Variants in FANCI observed in about 807,000 individuals in gnomAD.
The protein encoded by FANCI is FA complementation group I.
A neutral mutation model predicts 176.1 loss-of-function variants in FANCI; 156 were observed. The observed-to-expected ratio is 0.89, with a 90% confidence interval of 0.78 to 1.01. The LOEUF (loss-of-function observed/expected upper bound fraction) is 1.01. FANCI is among the 50% of genes least tolerant of loss of function. The pLI is 0.00. For synonymous variants in FANCI, 613 were observed against 541.7 expected (o/e 1.13, Z -1.83); for missense variants, 1,678 against 1,534.1 (o/e 1.09, Z -1.57).
At position 89,260,766 on chromosome 15, in the gene FANCI, T is replaced by A. The variant is rs147493587; in HGVS notation, c.211T>A (p.Cys71Ser). ...ACTTAGGAGACGTAAGATATACACT[T>A]GTTGTATCCAGTTGGTGGAATCGGG... Reference protein sequence around the residue: ...GTLRRRKIYTCCIQLVESGDL... With the variant: ...GTLRRRKIYTSCIQLVESGDL... Residue 71 changes from cysteine (C) to serine (S), a missense_variant, in exon 4 of 38, where the codon TGT becomes AGT. Coordinates refer to ENST00000310775, the MANE Select transcript of FANCI (RefSeq NM_001113378.2). 1.2e-6 allele frequency: 2 copies of A among 1,613,820 alleles called. No homozygotes were observed. The highest frequency in any genetic ancestry group is 2.7e-5 in the African/African-American group (2 of 74,880).
chr15:89,252,325 A>G lies in FANCI; in HGVS notation c.84+4594A>G, dbSNP rs12908194. 4.6e-5 allele frequency among the ~76,000 whole-genome samples: 7 copies of G among 151,986 alleles called. No homozygotes were observed. In the South Asian group the frequency reaches 1.2e-3, roughly 27 times the overall value. ...AAAAAAAAAAAAAAGAAAATATAAA[A>G]CGTCTCTCTTTGTAGATGGCATGAT... On this transcript the variant is annotated intron_variant, in intron 2 of 37. Coordinates refer to ENST00000310775, the MANE Select transcript of FANCI (RefSeq NM_001113378.2).
intron 35 of FANCI, among the ~76,000 whole-genome samples, chr15:89,314,200 A>G (rs367896635): frequency 6.9e-6 from 1 of 145,108 alleles, no homozygotes; most frequent in Non-Finnish European, 1.5e-5. Flanking sequence ...ACACACGTAG[A>G]ACCTACAAAT....
At chr15:89,293,773 A>G in intron 22 of FANCI, 60 bp from the exon 23 acceptor site, 1 of 1,502,752 alleles carries the variant, frequency 6.7e-7, no homozygotes, top group Non-Finnish European at 9.2e-7. Context: ...TATCATATGT[A>G]AAAGTAAACC....
At chr15:89,281,721 A>C (rs548236362) in intron 15 of FANCI, 44 bp from the exon 16 acceptor site, 1 of 1,579,690 alleles carries the variant, frequency 6.3e-7, no homozygotes, top group East Asian at 2.2e-5. Context: ...ACCTAAGGCT[A>C]ATAAGCAAAC....
chr15:89,293,095 T>C, intron 22 of FANCI, 32 bp downstream of exon 22: 1 of 1,607,574 alleles, frequency 6.2e-7, no homozygotes, highest in South Asian at 1.1e-5. Context: ...ATTTGTAATT[T>C]GATGAATTCT....
chr15:89,306,214 A>C lies in FANCI; in HGVS notation c.3537+20A>C. 1 of 1,613,290 alleles carries C rather than the reference A, an allele frequency of 6.2e-7. No homozygotes were observed. The highest frequency in any genetic ancestry group is 8.5e-7 in the Non-Finnish European group (1 of 1,179,442). ...AGATATGTGAGTATTTGAGACAAGC[A>C]GATTCGCCCCACCATTCTACCCCAG... On this transcript the variant is annotated intron_variant, in intron 32 of 37. Coordinates refer to ENST00000310775, the MANE Select transcript of FANCI (RefSeq NM_001113378.2).
rs1210098933 is a variant in FANCI, at chr15:89,294,978, C to T, written c.2520C>T (p.Arg840=). ...TCAGGTCCAGCAATGAGTTTATGCGCTATGCAGTGAATGTAGCTCTGCAGA... is the reference window on the plus strand; with the variant it reads ...TCAGGTCCAGCAATGAGTTTATGCGTTATGCAGTGAATGTAGCTCTGCAGA... ...SVLRSSNEFM[R]YAVNVALQKV... Residue 840 remains arginine, a synonymous_variant, in exon 24 of 38, where the codon CGC becomes CGT. Coordinates refer to ENST00000310775, the MANE Select transcript of FANCI (RefSeq NM_001113378.2). The T allele has an allele frequency of 5.8e-6, 9 of 1,552,294 alleles. No individual in the cohort carries two copies. Among genetic ancestry groups the T allele is most frequent in the Non-Finnish European group, 7.8e-6 (9 of 1,147,126 alleles).
intron 2 of FANCI, among the ~76,000 whole-genome samples, chr15:89,250,112 C>T (rs1379265778): frequency 6.6e-6 from 1 of 152,178 alleles, no homozygotes. Context: ...ACCTTCTATT[C>T]AACCATTGTG....
intron 34 of FANCI, 66 bp downstream of exon 34, chr15:89,307,738 T>C: frequency 6.2e-7 from 1 of 1,613,728 alleles, no homozygotes; most frequent in Non-Finnish European, 8.5e-7. Flanking sequence ...CCCAGGGGAC[T>C]ATTGATCACC....
intron 10 of FANCI, among the ~76,000 whole-genome samples, chr15:89,272,606 A>T (rs976188570): frequency 3.9e-5 from 6 of 152,204 alleles, no homozygotes; most frequent in African/African-American, 1.4e-4. Context: ...TAAAAATATT[A>T]CAATTTTTGC....
intron 2 of FANCI, among the ~76,000 whole-genome samples, chr15:89,251,712 A>T (rs898023161): frequency 6.6e-6 from 1 of 152,224 alleles, no homozygotes; most frequent in African/African-American, 2.4e-5. Flanking sequence ...ATTTGAAAGT[A>T]TATTACTATA....
chr15:89,266,613 G>C (rs149707633), intron 9 of FANCI, among the ~76,000 whole-genome samples: 1,716 of 151,516 alleles, frequency 0.011, 30 homozygotes, highest in African/African-American at 0.039. Context: ...ACAGGCGTGA[G>C]CCACTGCACC....
intron 32 of FANCI, 49 bp from the exon 33 acceptor site, chr15:89,307,427 T>G (rs780914235): frequency 1.3e-6 from 2 of 1,561,264 alleles, no homozygotes; most frequent in South Asian, 1.1e-5. Context: ...AGCAGTCACT[T>G]GTAGTTTCAT....
At chr15:89,282,485 G>A (rs1265903049) in intron 16 of FANCI, 1 of 162,122 alleles carries the variant, frequency 6.2e-6, no homozygotes, top group African/African-American at 2.4e-5. Context: ...TATGTGAAAA[G>A]CATTTGGTAC....
chr15:89,260,479 C>T (rs555722317), intron 3 of FANCI, among the ~76,000 whole-genome samples: 3 of 152,268 alleles, frequency 2.0e-5, no homozygotes, highest in South Asian at 2.1e-4. Context: ...GTTACTTCAT[C>T]CTGTAATTAT....
At chr15:89,312,319 A>G (rs1188898750) in intron 34 of FANCI, among the ~76,000 whole-genome samples, 1 of 152,188 alleles carries the variant, frequency 6.6e-6, no homozygotes, top group East Asian at 1.9e-4. Flanking sequence ...CCCTTGGCTG[A>G]CCCACTGCAG....
rs2053624779 is a variant in FANCI, at chr15:89,281,798, T to C, written c.1546T>C (p.Cys516Arg). ...LLKVSMSMRD[C>R]LILVLRKAMF... ...CAAAGTCAGCATGTCAATGAGAGAC[T>C]GCTTGATACTTGTCCTTCGGAAAGC... Residue 516 changes from cysteine to arginine, a missense_variant, in exon 16 of 38, where the codon TGC (cysteine) becomes CGC (arginine). By Grantham distance (180) the Cys-to-Arg change is radical. Transcript: ENST00000310775. The C allele has an allele frequency of 6.2e-7, 1 of 1,613,856 alleles. No homozygotes were observed. Among genetic ancestry groups the C allele is most frequent in the Admixed American group, 1.7e-5 (1 of 60,006 alleles).
chr15:89,307,418 G>C, intron 32 of FANCI, 58 bp from the exon 33 acceptor site: 1 of 1,515,104 alleles, frequency 6.6e-7, no homozygotes, highest in African/African-American at 1.4e-5. Flanking sequence ...GCTCACTGCA[G>C]CAGTCACTTG....
chr15:89,263,490 G>A lies in FANCI; in HGVS notation c.545+30G>A, dbSNP rs1981624. 581,682 of 1,561,272 alleles carry A rather than the reference G, an allele frequency of 0.37. 110,409 individuals carry two copies. The highest frequency in any genetic ancestry group is 0.38 in the South Asian group (34,303 of 89,822). On this transcript the variant is annotated intron_variant, in intron 7 of 37. Transcript: ENST00000310775. ...GCATCATCTTTTCCCTTTTCTTTGTGTATCCTGCTTTGTGAACTTACTTGC... is the reference window on the plus strand; with the variant it reads ...GCATCATCTTTTCCCTTTTCTTTGTATATCCTGCTTTGTGAACTTACTTGC...
Sources: gnomAD v4.1 joint callset for allele counts (sites outside exome capture counted in the v4.1 genomes callset) on GRCh38, gnomAD v4.1.1 for gene constraint, MANE v1.5 for transcripts, NCBI Gene and HGNC (gene_info 2026-07-23, HGNC 2026-07-21) for gene names.